The following KHDRBS2 variants were observed in gnomAD, a reference collection of about 807,000 sequenced individuals.
KHDRBS2 encodes KH domain-containing, RNA-binding, signal transduction-associated protein 2.
Under a neutral mutation model 44.3 loss-of-function variants are expected in KHDRBS2, and 26 were observed. The ratio of observed to expected loss-of-function variants is 0.59; its 90% confidence interval spans 0.43 to 0.81. The LOEUF (loss-of-function observed/expected upper bound fraction) is 0.81. Among genes scored for constraint, KHDRBS2 ranks in the 40% least tolerant of loss-of-function variants. The probability of loss-of-function intolerance (pLI) is 0.00; values close to 1 mark genes in which losing one functional copy is unlikely to be tolerated. For missense variants in KHDRBS2, 476 were observed against 433.1 expected (o/e 1.10, Z -0.88); for synonymous variants, 194 against 151.1 (o/e 1.28, Z -2.08).
the KHDRBS2 span, among the ~76,000 whole-genome samples, chr6:61,592,188 C>CAAAAAAAA: frequency 9.0e-5 from 11 of 122,272 alleles, no homozygotes; most frequent in South Asian, 3.0e-4. Flanking sequence ...AAGATCCCAC[C>CAAAAAAAA]AAAAAAAAAA....
At chr6:61,702,620 T>A (rs1275484022) in intron 7 of KHDRBS2, among the ~76,000 whole-genome samples, 4 of 151,978 alleles carry the variant, frequency 2.6e-5, no homozygotes, top group Non-Finnish European at 5.9e-5. Flanking sequence ...ACATGAATAA[T>A]CTTAGAACAT....
At chr6:62,232,935 C>A (rs2150160450) in intron 1 of KHDRBS2, among the ~76,000 whole-genome samples, 1 of 152,222 alleles carries the variant, frequency 6.6e-6, no homozygotes, top group Non-Finnish European at 1.5e-5. Flanking sequence ...TGATACCCAA[C>A]CAAAGAGTAG....
intron 2 of KHDRBS2, among the ~76,000 whole-genome samples, chr6:62,164,414 T>G (rs1818256877): frequency 6.6e-6 from 1 of 151,920 alleles, no homozygotes; most frequent in Admixed American, 6.6e-5. Flanking sequence ...GAACCAATTT[T>G]TCTACATTAA....
chr6:61,716,534 TAAC>T (rs1771455659), intron 7 of KHDRBS2, among the ~76,000 whole-genome samples: 1 of 151,972 alleles, frequency 6.6e-6, no homozygotes, highest in South Asian at 2.1e-4. Context: ...GAGGAAAAGA[TAAC>T]AAGCATTACT....
chr6:62,268,112 T>A (rs1035252132), intron 1 of KHDRBS2, among the ~76,000 whole-genome samples: 3 of 152,072 alleles, frequency 2.0e-5, no homozygotes, highest in Non-Finnish European at 4.4e-5. Flanking sequence ...TCTAAATTCA[T>A]TTCTCTTCCT....
intron 4 of KHDRBS2, among the ~76,000 whole-genome samples, chr6:61,971,137 C>A (rs1338297162): frequency 6.6e-6 from 1 of 152,030 alleles, no homozygotes; most frequent in East Asian, 1.9e-4. Context: ...ATCCAGTAAG[C>A]CATTTGTACT....
chr6:62,271,254 AG>A (rs1324492183), intron 1 of KHDRBS2, among the ~76,000 whole-genome samples: 2 of 152,158 alleles, frequency 1.3e-5, no homozygotes, highest in Admixed American at 6.6e-5. Context: ...GTGGTCCCAC[AG>A]GATTACAATG....
At chr6:61,738,789 C>T (rs79758222) in intron 6 of KHDRBS2, among the ~76,000 whole-genome samples, 4,536 of 151,902 alleles carry the variant, frequency 0.03, 231 homozygotes, top group African/African-American at 0.1. Context: ...GACTTAAACG[C>T]TTATTATTGA....
intron 6 of KHDRBS2, among the ~76,000 whole-genome samples, chr6:61,819,961 C>T (rs940811814): frequency 1.3e-5 from 2 of 151,920 alleles, no homozygotes; most frequent in Non-Finnish European, 2.9e-5. Context: ...TGTCAAACAC[C>T]CTGTGAAGTG....
At chr6:62,149,284 C>T (rs1814588108) in intron 2 of KHDRBS2, among the ~76,000 whole-genome samples, 1 of 152,114 alleles carries the variant, frequency 6.6e-6, no homozygotes. Context: ...TACGTACTCA[C>T]TTTTAATACA....
chr6:61,877,448 TG>T (rs1177402623), intron 6 of KHDRBS2, among the ~76,000 whole-genome samples: 28 of 150,992 alleles, frequency 1.9e-4, no homozygotes, highest in South Asian at 4.2e-4. Flanking sequence ...TTTTTGTTTT[TG>T]TTTTTGTTTT....
intron 3 of KHDRBS2, among the ~76,000 whole-genome samples, chr6:61,995,201 T>A (rs1462628744): frequency 1.3e-5 from 2 of 152,124 alleles, no homozygotes; most frequent in Non-Finnish European, 2.9e-5. Flanking sequence ...TCCTGAATTT[T>A]GCACATGTAG....
At chr6:61,594,033 TG>T in the KHDRBS2 span, among the ~76,000 whole-genome samples, 1 of 152,074 alleles carries the variant, frequency 6.6e-6, no homozygotes, top group Non-Finnish European at 1.5e-5. Context: ...ATATCTTTAT[TG>T]AGCTCATACA....
At chr6:62,213,583 T>A (rs1829455441) in intron 1 of KHDRBS2, among the ~76,000 whole-genome samples, 2 of 152,048 alleles carry the variant, frequency 1.3e-5, no homozygotes, top group Non-Finnish European at 2.9e-5. Flanking sequence ...TAGTCATATT[T>A]CAGAGATGAA....
intron 6 of KHDRBS2, among the ~76,000 whole-genome samples, chr6:61,748,490 T>TA (rs1777183208): frequency 1.3e-5 from 2 of 152,208 alleles, no homozygotes; most frequent in Admixed American, 6.5e-5. Context: ...ACCAGGTCTA[T>TA]ATTAAGTTTC....
intron 3 of KHDRBS2, among the ~76,000 whole-genome samples, chr6:62,016,465 CAT>C (rs1170218203): frequency 1.3e-5 from 2 of 150,544 alleles, no homozygotes; most frequent in Admixed American, 6.7e-5. Context: ...AATAAGGAAA[CAT>C]ATACACATAT....
chr6:61,560,819 T>C, the KHDRBS2 span, among the ~76,000 whole-genome samples: 1 of 152,208 alleles, frequency 6.6e-6, no homozygotes, highest in Non-Finnish European at 1.5e-5. Flanking sequence ...TCTCTCATGC[T>C]TTATTAAGTT....
At chr6:61,628,230 TTTTTTTTTTTTC>T in the KHDRBS2 span, among the ~76,000 whole-genome samples, 8 of 93,770 alleles carry the variant, frequency 8.5e-5, no homozygotes, top group African/African-American at 2.5e-4. Flanking sequence ...TTTTTTTTTT[TTTTTTTTTTTTC>T]AACCTGGGCT....
At chr6:61,548,639 T>C in the KHDRBS2 span, among the ~76,000 whole-genome samples, 43 of 152,136 alleles carry the variant, frequency 2.8e-4, no homozygotes, top group Admixed American at 2.6e-3. Context: ...ATTTGATTCA[T>C]TTTACAGCTT....
Sources: gnomAD v4.1 joint callset for allele counts (sites outside exome capture counted in the v4.1 genomes callset) on GRCh38, gnomAD v4.1.1 for gene constraint, MANE v1.5 for transcripts, NCBI Gene and HGNC (gene_info 2026-07-23, HGNC 2026-07-21) for gene names.